Variants in DIAPH2 observed in about 807,000 individuals in gnomAD.
The protein encoded by DIAPH2 is diaphanous related formin 2, also known as protein diaphanous homolog 2.
In DIAPH2, 35 loss-of-function variants were observed where a neutral mutation model predicts 92.7. That is an observed-to-expected ratio of 0.38 (90% CI 0.29 to 0.50). DIAPH2 has a LOEUF of 0.50. DIAPH2 is among the 20% of genes least tolerant of loss of function. The pLI, the probability that DIAPH2 is intolerant of heterozygous loss-of-function variation, is 0.94. For synonymous variants in DIAPH2, 301 were observed against 280.4 expected, an observed-to-expected ratio of 1.07 and a Z score of -0.73; for missense variants, 701 against 819.5, an observed-to-expected ratio of 0.86 and a Z score of 1.77.
At chrX:97,352,844 T>C (rs1431538974) in intron 24 of DIAPH2, among the ~76,000 whole-genome samples, 1 of 80,651 alleles carries the variant, frequency 1.2e-5, no homozygotes, top group Non-Finnish European at 2.2e-5. Context: ...TACTCCAGTC[T>C]GGGGGACAGA....
At chrX:96,960,897 C>T (rs1485794863) in intron 16 of DIAPH2, among the ~76,000 whole-genome samples, 1 of 111,783 alleles carries the variant, frequency 8.9e-6, no homozygotes, top group Non-Finnish European at 1.9e-5. Context: ...TGATGTATCA[C>T]GTTTATTGAA....
At chrX:96,884,202 C>T (rs755849336) in intron 5 of DIAPH2, 1 of 622,495 alleles carries the variant, frequency 1.6e-6, no homozygotes, top group African/African-American at 2.3e-5. Flanking sequence ...TCGGACAGCT[C>T]GAAGCCTTCT....
intron 22 of DIAPH2, among the ~76,000 whole-genome samples, chrX:97,158,188 A>G (rs2067338818): frequency 8.9e-6 from 1 of 112,285 alleles, no homozygotes; most frequent in Non-Finnish European, 1.9e-5. Flanking sequence ...AGCTATTTGG[A>G]CGATGATATT....
intron 23 of DIAPH2, among the ~76,000 whole-genome samples, chrX:97,258,217 G>T (rs1056687439): frequency 8.9e-6 from 1 of 111,773 alleles, no homozygotes; most frequent in Non-Finnish European, 1.9e-5. Flanking sequence ...GAGCAATAGA[G>T]TTTGAAAATT....
At position 97,341,701 on chromosome X, in the gene DIAPH2, A is replaced by G. The variant is rs562625148; in HGVS notation, c.2845-6415A>G. Among the ~76,000 whole-genome samples the G allele has an allele frequency of 3.6e-5, 4 of 111,067 alleles. No homozygotes were observed. In the South Asian group the frequency reaches 1.2e-3, roughly 33 times the overall value. On this transcript the variant is annotated intron_variant, in intron 23 of 26. Transcript: ENST00000324765. Reference sequence around the variant, plus strand: ...CAGTCCCTTGGCCCAAAAACCAGGAATGTCAATGTCCCAGGGCAAGAGATG... The same window carrying G: ...CAGTCCCTTGGCCCAAAAACCAGGAGTGTCAATGTCCCAGGGCAAGAGATG...
chrX:97,409,146 A>G (rs775836447), intron 25 of DIAPH2, among the ~76,000 whole-genome samples: 1 of 112,076 alleles, frequency 8.9e-6, no homozygotes, highest in South Asian at 3.7e-4. Context: ...TAGCTGAGTC[A>G]TGTTTTAAAT....
intron 1 of DIAPH2, among the ~76,000 whole-genome samples, chrX:96,704,837 G>A (rs755294166): frequency 1.5e-4 from 17 of 111,175 alleles, no homozygotes; most frequent in African/African-American, 4.9e-4. Flanking sequence ...CCATATGAAT[G>A]ATTCAGATTT....
intron 23 of DIAPH2, among the ~76,000 whole-genome samples, chrX:97,290,759 G>A (rs1337024508): frequency 2.7e-5 from 3 of 111,695 alleles, no homozygotes; most frequent in African/African-American, 9.8e-5. Flanking sequence ...AGAGAACAAG[G>A]TTCTACAATG....
chrX:97,119,390 G>T (rs1268370558), intron 21 of DIAPH2, among the ~76,000 whole-genome samples: 1 of 111,604 alleles, frequency 9.0e-6, no homozygotes, highest in Non-Finnish European at 1.9e-5. Flanking sequence ...CTGCACAAAG[G>T]CCTGTGATGT....
At chrX:96,872,658 A>T (rs1441571130) in intron 4 of DIAPH2, among the ~76,000 whole-genome samples, 1 of 107,642 alleles carries the variant, frequency 9.3e-6, no homozygotes, top group African/African-American at 3.4e-5. Context: ...CGCCCGGCTA[A>T]TTTTTTTGTA....
chrX:96,781,278 C>T (rs939116658), intron 4 of DIAPH2, among the ~76,000 whole-genome samples: 4 of 111,468 alleles, frequency 3.6e-5, no homozygotes, highest in Admixed American at 9.6e-5. Flanking sequence ...AGTGGTCAAG[C>T]AGCCTTTAGG....
intron 22 of DIAPH2, among the ~76,000 whole-genome samples, chrX:97,150,704 C>A (rs1287993867): frequency 8.9e-6 from 1 of 111,918 alleles, no homozygotes; most frequent in African/African-American, 3.2e-5. Context: ...TTTAGCTGAT[C>A]CTGTACTCTC....
intron 24 of DIAPH2, among the ~76,000 whole-genome samples, chrX:97,367,752 G>A (rs1164138344): frequency 9.4e-6 from 1 of 106,188 alleles, no homozygotes; most frequent in African/African-American, 3.5e-5. Context: ...GCCCAGGCTG[G>A]AGTGCAATGG....
intron 4 of DIAPH2, among the ~76,000 whole-genome samples, chrX:96,859,053 A>G (rs762828778): frequency 5.4e-4 from 60 of 112,052 alleles, no homozygotes; most frequent in African/African-American, 1.9e-3. Flanking sequence ...AGATAAGTCA[A>G]TGGTTGACTA....
chrX:97,208,168 G>T (rs2067812960), intron 22 of DIAPH2, among the ~76,000 whole-genome samples: 1 of 111,565 alleles, frequency 9.0e-6, no homozygotes, highest in Non-Finnish European at 1.9e-5. Context: ...GAATCAGCAT[G>T]GAAATGAAAA....
chrX:96,745,487 T>A (rs1394393606), intron 3 of DIAPH2, among the ~76,000 whole-genome samples: 1 of 112,426 alleles, frequency 8.9e-6, no homozygotes, highest in Non-Finnish European at 1.9e-5. Flanking sequence ...AATCCTTTCT[T>A]ACTCTGAAAA....
intron 22 of DIAPH2, among the ~76,000 whole-genome samples, chrX:97,225,077 G>T (rs759883106): frequency 1.5e-4 from 17 of 110,341 alleles, no homozygotes; most frequent in Non-Finnish European, 3.0e-4. Flanking sequence ...TTTTGGTGCA[G>T]TTATTTACTC....
At chrX:97,022,777 G>A (rs964860497) in intron 17 of DIAPH2, among the ~76,000 whole-genome samples, 3 of 111,760 alleles carry the variant, frequency 2.7e-5, no homozygotes, top group Non-Finnish European at 5.6e-5. Context: ...TATGTTGCTG[G>A]GCATGGTGGT....
At chrX:97,145,044 C>T (rs978405523) in intron 22 of DIAPH2, among the ~76,000 whole-genome samples, 15 of 111,925 alleles carry the variant, frequency 1.3e-4, no homozygotes, top group Non-Finnish European at 1.5e-4. Context: ...GGATTACAGG[C>T]GTGAGCCACC....
Sources: gnomAD v4.1 joint callset for allele counts (sites outside exome capture counted in the v4.1 genomes callset) on GRCh38, gnomAD v4.1.1 for gene constraint, MANE v1.5 for transcripts, NCBI Gene and HGNC (gene_info 2026-07-23, HGNC 2026-07-21) for gene names.